YWHAE: variants seen among roughly 807,000 people sequenced by gnomAD.
The protein encoded by YWHAE is 14-3-3 protein epsilon.
Under a neutral mutation model 30.1 loss-of-function variants are expected in YWHAE, and 4 were observed. That is an observed-to-expected ratio of 0.13 (90% CI 0.07 to 0.30). The LOEUF is 0.30. Ranked by LOEUF, YWHAE falls within the 10% of genes least tolerant of loss-of-function variation. The pLI, the probability that YWHAE is intolerant of heterozygous loss-of-function variation, is 1.00. For missense variants in YWHAE, 121 were observed against 315.9 expected, an observed-to-expected ratio of 0.38 and a Z score of 4.68; for synonymous variants, 118 against 111.8, an observed-to-expected ratio of 1.06 and a Z score of -0.35.
At chr17:1,378,500 T>C (rs2073156595) in intron 1 of YWHAE, among the ~76,000 whole-genome samples, 1 of 152,212 alleles carries the variant, frequency 6.6e-6, no homozygotes, top group South Asian at 2.1e-4. Context: ...AATATAAAGA[T>C]GGAGCAAAAT....
At chr17:1,346,416 G>A (rs1360623306) in intron 5 of YWHAE, among the ~76,000 whole-genome samples, 1 of 152,030 alleles carries the variant, frequency 6.6e-6, no homozygotes, top group Non-Finnish European at 1.5e-5. Context: ...ATCAACCCAA[G>A]AATCATAAAT....
intron 4 of YWHAE, among the ~76,000 whole-genome samples, chr17:1,354,954 G>A (rs894808116): frequency 2.4e-5 from 3 of 125,862 alleles, no homozygotes; most frequent in Admixed American, 1.8e-4. Flanking sequence ...GAGCCACCGC[G>A]CCCAGCCTAG....
At chr17:1,359,916 G>A (rs1376771469) in intron 4 of YWHAE, among the ~76,000 whole-genome samples, 2 of 75,600 alleles carry the variant, frequency 2.6e-5, no homozygotes, top group South Asian at 5.4e-4. Context: ...AGAGGGAGAC[G>A]GGGAGGGGGA....
At chr17:1,354,124 A>AT (rs1555639009) in intron 5 of YWHAE, 87 bp downstream of exon 5, 1 of 1,497,182 alleles carries the variant, frequency 6.7e-7, no homozygotes, top group Non-Finnish European at 9.0e-7. Context: ...CTAGCTTGAT[A>AT]TAACGACAAG....
At chr17:1,368,103 T>C (rs1156633735) in intron 1 of YWHAE, among the ~76,000 whole-genome samples, 2 of 151,356 alleles carry the variant, frequency 1.3e-5, no homozygotes, top group Non-Finnish European at 2.9e-5. Flanking sequence ...ATATAAAAAT[T>C]AGGCCAGGCA....
chr17:1,394,090 T>C (rs1045418251), intron 1 of YWHAE, among the ~76,000 whole-genome samples: 4 of 152,146 alleles, frequency 2.6e-5, no homozygotes, highest in Admixed American at 6.6e-5. Context: ...GTCTTTTGAG[T>C]GGCTGAGAGT....
At chr17:1,398,978 G>GT (rs2073518614) in intron 1 of YWHAE, 1 of 152,134 alleles carries the variant, frequency 6.6e-6, no homozygotes, top group Admixed American at 6.6e-5. Context: ...CCTGGAATAG[G>GT]TTAAGATCCC....
chr17:1,356,135 G>A (rs1412889454), intron 4 of YWHAE, among the ~76,000 whole-genome samples: 4 of 150,934 alleles, frequency 2.7e-5, no homozygotes, highest in Non-Finnish European at 5.9e-5. Context: ...CGCCACTGCA[G>A]TCCAGCCTGG....
In YWHAE at chr17:1,358,405, G is replaced by C. The variant is rs58092550; in HGVS notation, c.578+2687C>G. Among the ~76,000 whole-genome samples the C allele has an allele frequency of 1.1e-4, 16 of 152,016 alleles. No homozygotes were observed. In the South Asian group the frequency reaches 2.9e-3, roughly 28 times the overall value. On this transcript the variant is annotated intron_variant, in intron 4 of 5. Transcript: ENST00000264335. ...CAGGCGCCCGCCACCACGCCCGGCT[G>C]ATTTTTTGTATTTTTAGTAGAGACG...
intron 1 of YWHAE, among the ~76,000 whole-genome samples, chr17:1,395,130 C>T (rs1372064760): frequency 1.3e-5 from 2 of 151,072 alleles, no homozygotes; most frequent in African/African-American, 4.9e-5. Context: ...TGGTGGCTCA[C>T]GCCTGTAATT....
intron 1 of YWHAE, among the ~76,000 whole-genome samples, chr17:1,378,927 C>A (rs144376895): frequency 6.8e-6 from 1 of 146,784 alleles, no homozygotes; most frequent in South Asian, 2.2e-4. Context: ...TCCAGCCTGG[C>A]GACAAGAGCA....
chr17:1,370,371 T>G lies in YWHAE; in HGVS notation c.65-5313A>C, dbSNP rs190922177. On this transcript the variant is annotated intron_variant, in intron 1 of 5. Coordinates refer to ENST00000264335, the MANE Select transcript of YWHAE (RefSeq NM_006761.5). ...CGGTCTCGATCTCCTGACCTTGTGA[T>G]CCGCCCGCCTTGGCCTCCCAAAGTG... Among the ~76,000 whole-genome samples, 445 of 152,016 alleles carry G rather than the reference T, an allele frequency of 2.9e-3. 2 individuals carry two copies. Among genetic ancestry groups the G allele is most frequent in the Admixed American group, 5.1e-3 (78 of 15,272 alleles).
chr17:1,383,388 A>AC (rs1281859573), intron 1 of YWHAE, among the ~76,000 whole-genome samples: 8 of 104,554 alleles, frequency 7.7e-5, no homozygotes, highest in Non-Finnish European at 1.1e-4. Context: ...ATACTGTTTA[A>AC]CTTTTTTTTT....
chr17:1,386,593 C>G (rs956101989), intron 1 of YWHAE, among the ~76,000 whole-genome samples: 7 of 152,208 alleles, frequency 4.6e-5, no homozygotes, highest in African/African-American at 1.7e-4. Flanking sequence ...AATCTTGACA[C>G]TCAAGGACAA....
chr17:1,370,302 TG>T (rs1471612476), intron 1 of YWHAE, among the ~76,000 whole-genome samples: 1 of 151,172 alleles, frequency 6.6e-6, no homozygotes, highest in African/African-American at 2.4e-5. Flanking sequence ...AATTTTTTTG[TG>T]TGTATTTTTA....
intron 1 of YWHAE, among the ~76,000 whole-genome samples, chr17:1,381,883 A>T (rs1021312303): frequency 7.0e-6 from 1 of 142,984 alleles, no homozygotes; most frequent in Non-Finnish European, 1.5e-5. Context: ...ACTGTACTCC[A>T]GCCTGCACGA....
chr17:1,357,263 C>A (rs1473670171), intron 4 of YWHAE, among the ~76,000 whole-genome samples: 1 of 151,988 alleles, frequency 6.6e-6, no homozygotes, highest in Non-Finnish European at 1.5e-5. Context: ...ATTAGCCGGG[C>A]GTGGTGGCGG....
rs968219311 is a variant in YWHAE, at chr17:1,382,753, G to A, written c.64+17294C>T. 9.9e-5 allele frequency among the ~76,000 whole-genome samples: 15 copies of A among 152,184 alleles called. No homozygotes were observed. In the South Asian group the frequency reaches 1.5e-3, roughly 15 times the overall value. ...AAGAAATGAAAAACAGGCCAGGTGCGGTGGCTCATACCTGTATTCCCAGCA... is the reference window on the plus strand; with the variant it reads ...AAGAAATGAAAAACAGGCCAGGTGCAGTGGCTCATACCTGTATTCCCAGCA... On this transcript the variant is annotated intron_variant, in intron 1 of 5. Transcript: ENST00000264335.
intron 1 of YWHAE, among the ~76,000 whole-genome samples, chr17:1,396,865 A>G (rs1012873997): frequency 6.7e-6 from 1 of 148,846 alleles, no homozygotes; most frequent in Non-Finnish European, 1.5e-5. Flanking sequence ...CAGGTGATCC[A>G]CCCGCCTTGG....
Sources: gnomAD v4.1 joint callset for allele counts (sites outside exome capture counted in the v4.1 genomes callset) on GRCh38, gnomAD v4.1.1 for gene constraint, MANE v1.5 for transcripts, NCBI Gene and HGNC (gene_info 2026-07-23, HGNC 2026-07-21) for gene names.